CNTLN: variants seen among roughly 807,000 people sequenced by gnomAD.
CNTLN encodes the protein centlein, centrosomal protein.
CNTLN carries 212 observed loss-of-function variants against 180.0 expected under a neutral mutation model. That is an observed-to-expected ratio of 1.18 (90% CI 1.05 to 1.32). The LOEUF (loss-of-function observed/expected upper bound fraction) is 1.32. CNTLN is among the 40% of genes most tolerant of loss of function. The pLI, the probability that CNTLN is intolerant of heterozygous loss-of-function variation, is 0.00. For synonymous variants in CNTLN, 722 were observed against 563.1 expected (o/e 1.28, Z -3.99); for missense variants, 2,095 against 1,610.9 (o/e 1.30, Z -5.14).
At chr9:17,426,194 A>G (rs996163471) in intron 18 of CNTLN, among the ~76,000 whole-genome samples, 2 of 152,214 alleles carry the variant, frequency 1.3e-5, no homozygotes, top group African/African-American at 2.4e-5. Context: ...GGATGGGCCA[A>G]TAGATCTATT....
chr9:17,179,307 A>G (rs1820972987), intron 2 of CNTLN, among the ~76,000 whole-genome samples: 2 of 151,712 alleles, frequency 1.3e-5, no homozygotes, highest in Non-Finnish European at 2.9e-5. Flanking sequence ...CTGTTTTGTA[A>G]CGTACACCTT....
chr9:17,158,225 A>G (rs1232862462), intron 2 of CNTLN, among the ~76,000 whole-genome samples: 1 of 152,072 alleles, frequency 6.6e-6, no homozygotes, highest in African/African-American at 2.4e-5. Context: ...TGTTAACTCA[A>G]CCTTGCATCT....
chr9:17,211,033 T>G (rs1823266255), intron 2 of CNTLN, among the ~76,000 whole-genome samples: 1 of 152,238 alleles, frequency 6.6e-6, no homozygotes, highest in Admixed American at 6.5e-5. Context: ...GTAGTTTCTT[T>G]TGCTGTGCAG....
chr9:17,443,747 C>T (rs1473654718), intron 18 of CNTLN, among the ~76,000 whole-genome samples: 1 of 151,784 alleles, frequency 6.6e-6, no homozygotes, highest in African/African-American at 2.4e-5. Context: ...TGTCATTAGC[C>T]CAGAGAAAGA....
intron 7 of CNTLN, among the ~76,000 whole-genome samples, chr9:17,306,225 T>C (rs1403755113): frequency 6.6e-6 from 1 of 150,884 alleles, no homozygotes; most frequent in African/African-American, 2.4e-5. Flanking sequence ...TCTCATCTCA[T>C]TGCAACCTCT....
chr9:17,378,819 T>C (rs1275682091), intron 13 of CNTLN, among the ~76,000 whole-genome samples: 1 of 152,208 alleles, frequency 6.6e-6, no homozygotes, highest in Non-Finnish European at 1.5e-5. Context: ...CCAGGCCTGG[T>C]AGTTCTCAGT....
intron 7 of CNTLN, among the ~76,000 whole-genome samples, chr9:17,305,180 C>T (rs1430544876): frequency 1.3e-5 from 2 of 151,906 alleles, no homozygotes; most frequent in African/African-American, 2.4e-5. Flanking sequence ...GCTTTCTGTC[C>T]CCTGGAGATC....
intron 2 of CNTLN, among the ~76,000 whole-genome samples, chr9:17,207,978 C>G (rs995439544): frequency 6.6e-6 from 1 of 152,108 alleles, no homozygotes; most frequent in African/African-American, 2.4e-5. Flanking sequence ...TCTGATTGCT[C>G]TAGCTAGGAC....
At chr9:17,225,981 T>C (rs1174362042) in intron 2 of CNTLN, among the ~76,000 whole-genome samples, 1 of 152,044 alleles carries the variant, frequency 6.6e-6, no homozygotes, top group African/African-American at 2.4e-5. Context: ...AACTATGTTT[T>C]ATGTAATTTT....
the CNTLN span, among the ~76,000 whole-genome samples, chr9:17,513,467 G>A: frequency 3.0e-4 from 45 of 152,048 alleles, no homozygotes; most frequent in Admixed American, 2.1e-3. Context: ...AGGCCCAGGC[G>A]GGCAGCTCAT....
At chr9:17,455,230 C>T (rs1019048251) in intron 18 of CNTLN, among the ~76,000 whole-genome samples, 9 of 152,080 alleles carry the variant, frequency 5.9e-5, no homozygotes, top group Non-Finnish European at 1.2e-4. Flanking sequence ...TGCATATTTC[C>T]TCTATTTCAA....
At chr9:17,339,126 C>G (rs1821278349) in intron 10 of CNTLN, among the ~76,000 whole-genome samples, 1 of 152,234 alleles carries the variant, frequency 6.6e-6, no homozygotes, top group African/African-American at 2.4e-5. Flanking sequence ...CATTTCTGTA[C>G]GGCATATAGA....
At chr9:17,306,118 A>C (rs569469037) in intron 7 of CNTLN, among the ~76,000 whole-genome samples, 101 of 151,880 alleles carry the variant, frequency 6.6e-4, no homozygotes, top group African/African-American at 2.3e-3. Flanking sequence ...CAAAGTAGAG[A>C]ACACAAGAAG....
intron 2 of CNTLN, among the ~76,000 whole-genome samples, chr9:17,202,399 C>T (rs1822593048): frequency 6.6e-6 from 1 of 151,974 alleles, no homozygotes; most frequent in Non-Finnish European, 1.5e-5. Context: ...TGTTAATTTT[C>T]TGTCTCATTA....
At chr9:17,296,193 G>T (rs1422056874) in intron 6 of CNTLN, among the ~76,000 whole-genome samples, 1 of 151,978 alleles carries the variant, frequency 6.6e-6, no homozygotes, top group Non-Finnish European at 1.5e-5. Flanking sequence ...TGTAGAGACG[G>T]GGTTTCACTA....
chr9:17,311,497 G>A (rs1397923964), intron 8 of CNTLN, among the ~76,000 whole-genome samples: 2 of 148,628 alleles, frequency 1.3e-5, no homozygotes, highest in Non-Finnish European at 3.0e-5. Flanking sequence ...AAACTCCCAG[G>A]AGGCTTTTTC....
At chr9:17,519,781 T>C in the CNTLN span, among the ~76,000 whole-genome samples, 13 of 152,216 alleles carry the variant, frequency 8.5e-5, no homozygotes, top group Non-Finnish European at 1.5e-4. Context: ...GCAGAGAGGA[T>C]GAGAAGGTCA....
At chr9:17,453,644 C>T (rs1018833163) in intron 18 of CNTLN, among the ~76,000 whole-genome samples, 1 of 152,204 alleles carries the variant, frequency 6.6e-6, no homozygotes, top group Non-Finnish European at 1.5e-5. Context: ...GTGGGGTGCT[C>T]TGCTCAGAAT....
intron 25 of CNTLN, among the ~76,000 whole-genome samples, chr9:17,501,080 AGT>A (rs1480646969): frequency 1.3e-5 from 2 of 152,130 alleles, no homozygotes; most frequent in African/African-American, 2.4e-5. Context: ...GTGCAATATG[AGT>A]GTGTTTGATG....
Sources: gnomAD v4.1 joint callset for allele counts (sites outside exome capture counted in the v4.1 genomes callset) on GRCh38, gnomAD v4.1.1 for gene constraint, MANE v1.5 for transcripts, NCBI Gene and HGNC (gene_info 2026-07-23, HGNC 2026-07-21) for gene names.